FAM168A: variants seen among roughly 807,000 people sequenced by gnomAD.
The protein encoded by FAM168A is family with sequence similarity 168 member A.
Under a neutral mutation model 28.5 loss-of-function variants are expected in FAM168A, and 3 were observed. The observed-to-expected ratio is 0.11, with a 90% CI of 0.05 to 0.27. FAM168A has a LOEUF of 0.27. Among genes scored for constraint, FAM168A ranks in the 10% least tolerant of loss-of-function variants. The pLI is 1.00. For missense variants in FAM168A, 222 were observed against 311.5 expected, an observed-to-expected ratio of 0.71 and a Z score of 2.16; for synonymous variants, 122 against 124.2, an observed-to-expected ratio of 0.98 and a Z score of 0.12.
chr11:73,546,956 A>C (rs1412906275), intron 1 of FAM168A, among the ~76,000 whole-genome samples: 1 of 152,040 alleles, frequency 6.6e-6, no homozygotes, highest in Non-Finnish European at 1.5e-5. Flanking sequence ...CAATTTTAAA[A>C]TGTGCAAAGA....
chr11:73,451,795 A>G (rs993560251), intron 2 of FAM168A, among the ~76,000 whole-genome samples: 1 of 152,246 alleles, frequency 6.6e-6, no homozygotes, highest in African/African-American at 2.4e-5. Flanking sequence ...CAACAACAAA[A>G]CTGCCTAATT....
chr11:73,430,272 C>G, intron 3 of FAM168A: 1 of 165,998 alleles, frequency 6.0e-6, no homozygotes, highest in Non-Finnish European at 1.2e-5. Flanking sequence ...GTGTGTGTGT[C>G]CCAAGGTGTG....
intron 7 of FAM168A, among the ~76,000 whole-genome samples, chr11:73,406,991 G>A (rs938237520): frequency 2.6e-5 from 4 of 152,196 alleles, no homozygotes; most frequent in Non-Finnish European, 5.9e-5. Context: ...CTGCTGAGGG[G>A]ACCAAGGAAG....
At chr11:73,514,106 T>C (rs1590826285) in intron 1 of FAM168A, among the ~76,000 whole-genome samples, 1 of 152,098 alleles carries the variant, frequency 6.6e-6, no homozygotes, top group East Asian at 1.9e-4. Flanking sequence ...TGAGCCATGA[T>C]CACACCACTG....
At chr11:73,416,999 C>G (rs1424399516) in intron 4 of FAM168A, among the ~76,000 whole-genome samples, 1 of 152,082 alleles carries the variant, frequency 6.6e-6, no homozygotes. Context: ...CTGTGATAGC[C>G]TGTCTGGGAG....
intron 1 of FAM168A, among the ~76,000 whole-genome samples, chr11:73,505,239 AG>A (rs1488589281): frequency 6.9e-5 from 10 of 145,980 alleles, no homozygotes; most frequent in African/African-American, 2.8e-4. Flanking sequence ...TTTTGCAAAA[AG>A]GAAAAAAAAA....
intron 1 of FAM168A, among the ~76,000 whole-genome samples, chr11:73,533,867 A>C (rs952070713): frequency 2.0e-5 from 3 of 152,200 alleles, no homozygotes; most frequent in African/African-American, 7.2e-5. Flanking sequence ...TCAACTGTCA[A>C]GGTAAGTTAG....
At chr11:73,503,104 C>A (rs1265148739) in intron 1 of FAM168A, among the ~76,000 whole-genome samples, 2 of 152,104 alleles carry the variant, frequency 1.3e-5, no homozygotes, top group Non-Finnish European at 2.9e-5. Flanking sequence ...ACAAGGATGC[C>A]CTCTCTCACC....
At chr11:73,452,813 ATAATAATAAT>A (rs1867456028) in intron 2 of FAM168A, among the ~76,000 whole-genome samples, 1 of 147,008 alleles carries the variant, frequency 6.8e-6, no homozygotes, top group African/African-American at 2.6e-5. Flanking sequence ...CAAAAAAAAA[ATAATAATAAT>A]AAGTAAAATA....
At chr11:73,540,536 A>G (rs546723655) in intron 1 of FAM168A, among the ~76,000 whole-genome samples, 6 of 152,206 alleles carry the variant, frequency 3.9e-5, no homozygotes, top group Admixed American at 2.0e-4. Context: ...TTGCCTTCTT[A>G]CTATTCCACA....
At chr11:73,545,011 TATATATAG>T (rs1565291933) in intron 1 of FAM168A, among the ~76,000 whole-genome samples, 9 of 83,090 alleles carry the variant, frequency 1.1e-4, no homozygotes, top group African/African-American at 6.9e-4. Context: ...TAATATACTA[TATATATAG>T]TATATATAAT....
chr11:73,440,527 G>C (rs769056914), intron 2 of FAM168A, among the ~76,000 whole-genome samples: 82 of 152,180 alleles, frequency 5.4e-4, no homozygotes, highest in Non-Finnish European at 7.8e-4. Context: ...CTACAAGGGA[G>C]ACTGAGGTGG....
chr11:73,510,801 T>A (rs1261974108), intron 1 of FAM168A: 7 of 374,314 alleles, frequency 1.9e-5, no homozygotes, highest in Non-Finnish European at 3.3e-5. Context: ...ACCATATATT[T>A]ACAGTAGGAA....
At chr11:73,448,618 C>A (rs1054857103) in intron 2 of FAM168A, among the ~76,000 whole-genome samples, 3 of 152,194 alleles carry the variant, frequency 2.0e-5, no homozygotes, top group African/African-American at 7.2e-5. Flanking sequence ...TTAGGAATAG[C>A]CACGTGGCCC....
At chr11:73,518,190 T>C (rs1943329085) in intron 1 of FAM168A, among the ~76,000 whole-genome samples, 1 of 152,118 alleles carries the variant, frequency 6.6e-6, no homozygotes, top group African/African-American at 2.4e-5. Context: ...TATAGGCCTA[T>C]AACCAGGCTG....
chr11:73,433,076 C>CTTTT lies in FAM168A; in HGVS notation c.71-2310_71-2307dup, dbSNP rs34994742. On this transcript the variant is annotated intron_variant, in intron 2 of 7. Coordinates refer to ENST00000356467, the MANE Select transcript of FAM168A (RefSeq NM_015159.3). ...ACAGGTGCGTGCCACCACGCCCCGC[C>CTTTT]TTTTTTTTTTTTTTTTTTTTTTTTT... 1.8e-3 allele frequency among the ~76,000 whole-genome samples: 148 copies of CTTTT among 80,610 alleles called. 12 individuals carry two copies. Among genetic ancestry groups the CTTTT allele is most frequent in the African/African-American group, 6.2e-3 (91 of 14,706 alleles). The allele number at this position is 80,610 out of a possible 152,430, so 52.9% of individuals were successfully genotyped here.
intron 1 of FAM168A, among the ~76,000 whole-genome samples, chr11:73,500,041 C>T (rs1377865830): frequency 3.3e-5 from 5 of 152,022 alleles, no homozygotes; most frequent in African/African-American, 1.2e-4. Flanking sequence ...AGATATTCCA[C>T]AAGAAGATCA....
At chr11:73,463,790 G>A (rs1018452138) in intron 2 of FAM168A, among the ~76,000 whole-genome samples, 1 of 152,318 alleles carries the variant, frequency 6.6e-6, no homozygotes, top group South Asian at 2.1e-4. Context: ...GGGGTCAGGT[G>A]TCAAATGATA....
At chr11:73,507,908 G>C (rs1266065380) in intron 1 of FAM168A, among the ~76,000 whole-genome samples, 1 of 108,248 alleles carries the variant, frequency 9.2e-6, no homozygotes, top group African/African-American at 3.5e-5. Flanking sequence ...GTATTCACAG[G>C]GGATCTTGGA....
Sources: gnomAD v4.1 joint callset for allele counts (sites outside exome capture counted in the v4.1 genomes callset) on GRCh38, gnomAD v4.1.1 for gene constraint, MANE v1.5 for transcripts, NCBI Gene and HGNC (gene_info 2026-07-23, HGNC 2026-07-21) for gene names.